Variants in LRRC4C observed in about 807,000 individuals in gnomAD.
LRRC4C encodes leucine rich repeat containing 4C, also known as leucine-rich repeat-containing protein 4C.
Under a neutral mutation model 33.6 loss-of-function variants are expected in LRRC4C, and 5 were observed. The observed-to-expected ratio is 0.15, with a 90% CI of 0.08 to 0.31. LRRC4C has a LOEUF of 0.31. LRRC4C is among the 10% of genes least tolerant of loss of function. LRRC4C has a pLI of 1.00. For missense variants in LRRC4C, 560 were observed against 796.7 expected (o/e 0.70, Z 3.58); for synonymous variants, 329 against 302.0 (o/e 1.09, Z -0.93).
At chr11:41,212,580 T>TC (rs1456727380) in intron 1 of LRRC4C, among the ~76,000 whole-genome samples, 3 of 152,126 alleles carry the variant, frequency 2.0e-5, no homozygotes, top group Non-Finnish European at 4.4e-5. Flanking sequence ...TTCTCCTTCT[T>TC]CCCACCCCTC....
At chr11:40,365,899 T>C (rs1948186987) in intron 3 of LRRC4C, among the ~76,000 whole-genome samples, 1 of 152,056 alleles carries the variant, frequency 6.6e-6, no homozygotes, top group South Asian at 2.1e-4. Flanking sequence ...AATTGGTATA[T>C]GAGAATACAT....
At chr11:40,406,080 C>T (rs1362190019) in intron 3 of LRRC4C, among the ~76,000 whole-genome samples, 2 of 152,096 alleles carry the variant, frequency 1.3e-5, no homozygotes, top group Non-Finnish European at 2.9e-5. Context: ...CGGGATGGCG[C>T]TGTAACTGAG....
intron 3 of LRRC4C, among the ~76,000 whole-genome samples, chr11:40,427,878 C>T (rs1387529326): frequency 1.3e-5 from 2 of 151,760 alleles, no homozygotes; most frequent in Admixed American, 6.6e-5. Flanking sequence ...AAACAAAAAC[C>T]CACAAAAGCC....
chr11:41,065,192 C>T (rs1364465573), intron 1 of LRRC4C, among the ~76,000 whole-genome samples: 1 of 148,938 alleles, frequency 6.7e-6, no homozygotes, highest in East Asian at 2.0e-4. Context: ...AGTCTGGAGT[C>T]CACCCGGGAA....
At position 40,852,239 on chromosome 11, in the gene LRRC4C, G is replaced by T. The variant is rs141329526; in HGVS notation, c.-407+81396C>A. Among the ~76,000 whole-genome samples, 513 of 151,814 alleles carry T rather than the reference G, an allele frequency of 3.4e-3. 4 individuals carry two copies. Among genetic ancestry groups the T allele is most frequent in the African/African-American group, 0.012 (492 of 41,376 alleles). On this transcript the variant is annotated intron_variant, in intron 2 of 6. Transcript: ENST00000528697. ...CTGGGGATTAAATATCACATACCCT[G>T]AGGACCCTGGTGAGTTGAAATTATG... is the stretch of plus-strand genomic sequence containing the variant.
chr11:40,684,604 A>C (rs1944865956), intron 2 of LRRC4C, among the ~76,000 whole-genome samples: 1 of 152,014 alleles, frequency 6.6e-6, no homozygotes, highest in South Asian at 2.1e-4. Flanking sequence ...GAGGGTTATA[A>C]ATTTTCATAT....
At chr11:41,391,175 G>A (rs755360429) in intron 1 of LRRC4C, among the ~76,000 whole-genome samples, 6 of 151,718 alleles carry the variant, frequency 4.0e-5, no homozygotes, top group Non-Finnish European at 8.8e-5. Context: ...TTGGTTTAAG[G>A]TAACATTTCT....
intron 3 of LRRC4C, among the ~76,000 whole-genome samples, chr11:40,360,880 A>G (rs767362319): frequency 2.0e-5 from 3 of 152,198 alleles, no homozygotes; most frequent in Admixed American, 1.3e-4. Context: ...ATCTAGCACC[A>G]CATCAAAAAT....
intron 1 of LRRC4C, among the ~76,000 whole-genome samples, chr11:41,387,031 G>A (rs1025226842): frequency 6.6e-6 from 1 of 151,672 alleles, no homozygotes; most frequent in African/African-American, 2.4e-5. Context: ...TGTCCACCAT[G>A]TACTTTACAA....
At chr11:40,355,820 C>G (rs1330364203) in intron 3 of LRRC4C, among the ~76,000 whole-genome samples, 1 of 152,002 alleles carries the variant, frequency 6.6e-6, no homozygotes, top group Non-Finnish European at 1.5e-5. Flanking sequence ...TATAAATGTG[C>G]CTTCTTTTGT....
At chr11:41,350,768 A>T (rs961262564) in intron 1 of LRRC4C, among the ~76,000 whole-genome samples, 2 of 152,194 alleles carry the variant, frequency 1.3e-5, no homozygotes, top group Non-Finnish European at 2.9e-5. Flanking sequence ...TCAGAAGACA[A>T]AATGACCATT....
intron 1 of LRRC4C, among the ~76,000 whole-genome samples, chr11:40,955,577 T>C (rs1401062109): frequency 1.3e-5 from 2 of 151,784 alleles, no homozygotes; most frequent in African/African-American, 4.8e-5. Context: ...AGGATCTGGA[T>C]TAATGGGTTC....
intron 3 of LRRC4C, among the ~76,000 whole-genome samples, chr11:40,352,605 C>T (rs11601600): frequency 0.48 from 72,797 of 151,856 alleles, 18,150 homozygotes; most frequent in East Asian, 0.84. Context: ...TGACAAGATA[C>T]GAGTAGTTTG....
chr11:40,743,334 G>T lies in LRRC4C; in HGVS notation c.-406-95056C>A, dbSNP rs1948253551. On this transcript the variant is annotated intron_variant, in intron 2 of 6. Transcript: ENST00000528697. ...TCTGTATTAGTTTTCTCTTGCTGCG[G>T]TAACAAACTATCATAAGCTGTTGGC... Among the ~76,000 whole-genome samples, 3 of 152,094 alleles carry T rather than the reference G, an allele frequency of 2.0e-5. No individual in the cohort carries two copies. The South Asian group carries it at 6.2e-4, about 32-fold the overall frequency.
chr11:40,404,414 T>C (rs1023954820), intron 3 of LRRC4C, among the ~76,000 whole-genome samples: 3 of 152,130 alleles, frequency 2.0e-5, no homozygotes, highest in African/African-American at 4.8e-5. Context: ...ATATAATCAG[T>C]GAATGGCACC....
chr11:41,319,174 C>A lies in LRRC4C; in HGVS notation c.-496+140257G>T, dbSNP rs1291370429. Among the ~76,000 whole-genome samples, 7 of 152,086 alleles carry A rather than the reference C, an allele frequency of 4.6e-5. No homozygotes were observed. In the South Asian group the frequency reaches 1.2e-3, roughly 27 times the overall value. ...TGCCACATGGATTTTATCTATGAAC[C>A]AGGAAAGTTATGTTACTGAATGAGA... On this transcript the variant is annotated intron_variant, in intron 1 of 6. Transcript: ENST00000528697.
At chr11:40,369,126 G>T (rs925805319) in intron 3 of LRRC4C, among the ~76,000 whole-genome samples, 1 of 151,772 alleles carries the variant, frequency 6.6e-6, no homozygotes, top group African/African-American at 2.4e-5. Context: ...TGTGGATCTA[G>T]GTATACAGTG....
intron 3 of LRRC4C, among the ~76,000 whole-genome samples, chr11:40,497,558 A>G (rs562706221): frequency 1.3e-5 from 2 of 152,212 alleles, no homozygotes; most frequent in Non-Finnish European, 2.9e-5. Flanking sequence ...AAAAAATAAA[A>G]ACAGTTTGAA....
chr11:40,412,926 G>A (rs953329865), intron 3 of LRRC4C, among the ~76,000 whole-genome samples: 2 of 151,986 alleles, frequency 1.3e-5, no homozygotes, highest in Non-Finnish European at 2.9e-5. Context: ...AGCTATCATT[G>A]TTATATTCAG....
Sources: allele counts gnomAD v4.1 joint callset (sites outside exome capture counted in the v4.1 genomes callset), GRCh38; gene constraint gnomAD v4.1.1; transcripts MANE v1.5; gene names NCBI Gene and HGNC (gene_info 2026-07-23, HGNC 2026-07-21).